CCDC7: variants seen among roughly 807,000 people sequenced by gnomAD.
CCDC7 encodes the protein coiled-coil domain containing 7, also known as coiled-coil domain-containing protein 7.
Under a neutral mutation model 196.9 loss-of-function variants are expected in CCDC7, and 183 were observed. That is an observed-to-expected ratio of 0.93 (90% CI 0.82 to 1.05). CCDC7 has a LOEUF of 1.05. Ranked by LOEUF, CCDC7 falls within the 50% of genes least tolerant of loss-of-function variation. The pLI, the probability that CCDC7 is intolerant of heterozygous loss-of-function variation, is 0.00. For synonymous variants in CCDC7, 525 were observed against 484.6 expected (o/e 1.08, Z -1.10); for missense variants, 1,540 against 1,482.2 (o/e 1.04, Z -0.64).
intron 24 of CCDC7, among the ~76,000 whole-genome samples, chr10:32,706,600 A>G (rs2079805262): frequency 6.6e-6 from 1 of 152,120 alleles, no homozygotes. Context: ...AAAAGAGAGA[A>G]GAATCAAATA....
intron 18 of CCDC7, among the ~76,000 whole-genome samples, chr10:32,593,866 T>C (rs117350395): frequency 0.039 from 5,899 of 152,234 alleles, 121 homozygotes; most frequent in Non-Finnish European, 0.05. Context: ...TTTCAATGTG[T>C]GATATTATTT....
At chr10:32,785,900 T>C (rs1331449628) in intron 29 of CCDC7, among the ~76,000 whole-genome samples, 2 of 152,192 alleles carry the variant, frequency 1.3e-5, no homozygotes, top group Non-Finnish European at 2.9e-5. Flanking sequence ...AGGGAGCTAG[T>C]CTTCGAGCTC....
chr10:32,799,613 G>A (rs2134973656), intron 29 of CCDC7, among the ~76,000 whole-genome samples: 1 of 152,296 alleles, frequency 6.6e-6, no homozygotes, highest in South Asian at 2.1e-4. Flanking sequence ...ACCTTTCTAA[G>A]GTGATATTCT....
At chr10:32,816,736 A>G (rs1484646313) in intron 31 of CCDC7, among the ~76,000 whole-genome samples, 3 of 152,198 alleles carry the variant, frequency 2.0e-5, no homozygotes, top group Non-Finnish European at 4.4e-5. Context: ...GGTCTGGAGT[A>G]GACCTCCAGC....
At chr10:32,682,652 G>A (rs2076000411) in intron 21 of CCDC7, among the ~76,000 whole-genome samples, 1 of 152,100 alleles carries the variant, frequency 6.6e-6, no homozygotes, top group South Asian at 2.1e-4. Context: ...AACCTCACCA[G>A]CATCTCTTAT....
chr10:32,729,516 T>C, intron 28 of CCDC7, 59 bp downstream of exon 29: 1 of 887,928 alleles, frequency 1.1e-6, no homozygotes, highest in East Asian at 3.0e-5. Flanking sequence ...AGAAATTTGT[T>C]TTTGGTTTAT....
chr10:32,619,895 A>G (rs529179809), intron 18 of CCDC7, among the ~76,000 whole-genome samples: 6 of 136,698 alleles, frequency 4.4e-5, no homozygotes, highest in Non-Finnish European at 7.6e-5. Context: ...CACTGCTCCC[A>G]GCCCTTCAAT....
intron 28 of CCDC7, among the ~76,000 whole-genome samples, chr10:32,759,272 G>A (rs1017425389): frequency 1.3e-5 from 2 of 152,128 alleles, no homozygotes; most frequent in Admixed American, 6.5e-5. Context: ...CCAAAAAAGA[G>A]CCCGCATTGC....
intron 18 of CCDC7, among the ~76,000 whole-genome samples, chr10:32,618,498 A>C (rs578103168): frequency 6.3e-4 from 96 of 152,154 alleles, no homozygotes; most frequent in African/African-American, 2.3e-3. Flanking sequence ...CCAGTCACCA[A>C]AAATTTTCTA....
chr10:32,688,989 A>C, intron 22 of CCDC7, 64 bp from the exon 24 acceptor site: 1 of 1,069,592 alleles, frequency 9.3e-7, no homozygotes, highest in Non-Finnish European at 1.4e-6. Context: ...CGTAAATTTG[A>C]AATCTACAGA....
At chr10:32,599,625 A>G (rs1288202565) in intron 18 of CCDC7, among the ~76,000 whole-genome samples, 2 of 152,068 alleles carry the variant, frequency 1.3e-5, no homozygotes, top group African/African-American at 2.4e-5. Flanking sequence ...TATATTTAAC[A>G]CTTTAAACTT....
chr10:32,529,968 C>T (rs1010148198), intron 11 of CCDC7, among the ~76,000 whole-genome samples: 1 of 152,108 alleles, frequency 6.6e-6, no homozygotes, highest in Non-Finnish European at 1.5e-5. Context: ...GATGAGGATC[C>T]AGTTACATTC....
intron 18 of CCDC7, among the ~76,000 whole-genome samples, chr10:32,585,781 G>C (rs928588842): frequency 6.6e-6 from 1 of 152,102 alleles, no homozygotes; most frequent in Non-Finnish European, 1.5e-5. Flanking sequence ...TCATTGATGG[G>C]CATTTGGGTT....
chr10:32,539,411 C>G (rs1378968545), intron 11 of CCDC7, among the ~76,000 whole-genome samples: 3 of 151,952 alleles, frequency 2.0e-5, no homozygotes, highest in Middle Eastern at 3.4e-3. Flanking sequence ...TTATCAGGAT[C>G]TTCTCTCTGT....
chr10:32,706,317 G>A (rs1005317254), intron 24 of CCDC7, among the ~76,000 whole-genome samples: 1 of 152,104 alleles, frequency 6.6e-6, no homozygotes, highest in Admixed American at 6.5e-5. Context: ...CACATTTAAA[G>A]CAGTATGTAG....
At chr10:32,454,014 C>T (rs1224330984) in intron 2 of CCDC7, among the ~76,000 whole-genome samples, 1 of 152,182 alleles carries the variant, frequency 6.6e-6, no homozygotes, top group Admixed American at 6.5e-5. Context: ...ATGAAATACT[C>T]TTCACAATAA....
At chr10:32,562,916 C>T (rs1333864866) in intron 13 of CCDC7, among the ~76,000 whole-genome samples, 5 of 152,146 alleles carry the variant, frequency 3.3e-5, no homozygotes, top group Non-Finnish European at 7.3e-5. Flanking sequence ...ATTGTCTTAG[C>T]CCAAAATCTG....
At chr10:32,532,965 A>G (rs1296858055) in intron 11 of CCDC7, among the ~76,000 whole-genome samples, 1 of 151,900 alleles carries the variant, frequency 6.6e-6, no homozygotes, top group Non-Finnish European at 1.5e-5. Context: ...ACTCAGTGTT[A>G]TTGTTTATAA....
chr10:32,787,318 T>A (rs1016089664), intron 29 of CCDC7, among the ~76,000 whole-genome samples: 1 of 151,848 alleles, frequency 6.6e-6, no homozygotes, highest in Non-Finnish European at 1.5e-5. Flanking sequence ...ATCAGCAAGA[T>A]GGCAGAATAA....
Sources: gnomAD v4.1 joint callset for allele counts (sites outside exome capture counted in the v4.1 genomes callset) on GRCh38, gnomAD v4.1.1 for gene constraint, MANE v1.5 for transcripts, NCBI Gene and HGNC (gene_info 2026-07-23, HGNC 2026-07-21) for gene names.